Variants in SLC24A3 observed in about 807,000 individuals in gnomAD.
SLC24A3 encodes the protein sodium/potassium/calcium exchanger 3.
SLC24A3 carries 28 observed loss-of-function variants against 75.8 expected under a neutral mutation model. That is an observed-to-expected ratio of 0.37 (90% CI 0.27 to 0.51). The LOEUF is 0.51. Among genes scored for constraint, SLC24A3 ranks in the 20% least tolerant of loss-of-function variants. The pLI is 0.94. For synonymous variants in SLC24A3, 372 were observed against 334.1 expected (o/e 1.11, Z -1.24); for missense variants, 663 against 847.8 (o/e 0.78, Z 2.71).
At chr20:19,665,193 T>G (rs2032382858) in intron 7 of SLC24A3, among the ~76,000 whole-genome samples, 1 of 152,170 alleles carries the variant, frequency 6.6e-6, no homozygotes. Context: ...ATAATCTTCC[T>G]TAGTGAAAGG....
In SLC24A3 at chr20:19,353,343, G is replaced by A. The variant is rs186767613; in HGVS notation, c.271+72256G>A. ...GGTCATCTACAGGCAGGGGGAAGCTGAAGATTTGATATGAAAGGAGAGACA... is the reference window on the plus strand; with the variant it reads ...GGTCATCTACAGGCAGGGGGAAGCTAAAGATTTGATATGAAAGGAGAGACA... On this transcript the variant is annotated intron_variant, in intron 2 of 16. Transcript: ENST00000328041. 3.2e-3 allele frequency among the ~76,000 whole-genome samples: 480 copies of A among 152,276 alleles called. 6 individuals are homozygous for A. Among genetic ancestry groups the A allele is most frequent in the Middle Eastern group, 0.014 (4 of 294 alleles).
At chr20:19,395,013 A>G (rs1986428983) in intron 2 of SLC24A3, among the ~76,000 whole-genome samples, 1 of 152,248 alleles carries the variant, frequency 6.6e-6, no homozygotes, top group African/African-American at 2.4e-5. Flanking sequence ...TGGCGTATAC[A>G]TACAGCATTA....
intron 2 of SLC24A3, among the ~76,000 whole-genome samples, chr20:19,468,805 C>T (rs1987814096): frequency 6.6e-6 from 1 of 152,090 alleles, no homozygotes; most frequent in African/African-American, 2.4e-5. Context: ...GTTTAGCCAG[C>T]TAAGTACTAC....
intron 2 of SLC24A3, among the ~76,000 whole-genome samples, chr20:19,351,317 A>G (rs1021943461): frequency 9.9e-5 from 15 of 152,046 alleles, no homozygotes; most frequent in Admixed American, 5.9e-4. Context: ...TGTTGTTGCT[A>G]TTTCCTCTCT....
At chr20:19,642,563 C>T (rs1318326003) in intron 6 of SLC24A3, among the ~76,000 whole-genome samples, 1 of 152,190 alleles carries the variant, frequency 6.6e-6, no homozygotes, top group Non-Finnish European at 1.5e-5. Context: ...CCCATTCTCC[C>T]TTGTCTCAGC....
chr20:19,341,042 A>C (rs1444049966), intron 2 of SLC24A3, among the ~76,000 whole-genome samples: 1 of 152,216 alleles, frequency 6.6e-6, no homozygotes, highest in African/African-American at 2.4e-5. Flanking sequence ...TCCTACCTGT[A>C]GGATGAGTGC....
intron 2 of SLC24A3, among the ~76,000 whole-genome samples, chr20:19,321,501 C>T (rs1401352382): frequency 3.3e-5 from 5 of 152,168 alleles, no homozygotes; most frequent in Non-Finnish European, 7.4e-5. Flanking sequence ...GAAGCTCATG[C>T]TACGTAACTT....
intron 2 of SLC24A3, among the ~76,000 whole-genome samples, chr20:19,510,212 A>AC (rs1988516701): frequency 6.6e-6 from 1 of 152,242 alleles, no homozygotes; most frequent in African/African-American, 2.4e-5. Flanking sequence ...AATGAATCAA[A>AC]GAAGCTTCTA....
intron 2 of SLC24A3, among the ~76,000 whole-genome samples, chr20:19,356,664 T>C (rs1483875823): frequency 2.6e-5 from 4 of 152,170 alleles, no homozygotes; most frequent in Non-Finnish European, 4.4e-5. Flanking sequence ...GGGTGTCTCC[T>C]GGTGGGATGA....
At chr20:19,230,250 G>A (rs927402921) in intron 1 of SLC24A3, among the ~76,000 whole-genome samples, 6 of 152,048 alleles carry the variant, frequency 3.9e-5, no homozygotes, top group Non-Finnish European at 5.9e-5. Flanking sequence ...TGTGAGCATC[G>A]CTTATGCTGA....
At chr20:19,705,594 T>A (rs2032921264) in intron 15 of SLC24A3, among the ~76,000 whole-genome samples, 1 of 152,214 alleles carries the variant, frequency 6.6e-6, no homozygotes, top group Non-Finnish European at 1.5e-5. Flanking sequence ...TCATGTAGCA[T>A]GGTAGTGACC....
At chr20:19,271,755 A>G (rs1038363766) in intron 1 of SLC24A3, among the ~76,000 whole-genome samples, 4 of 152,190 alleles carry the variant, frequency 2.6e-5, no homozygotes, top group African/African-American at 7.2e-5. Flanking sequence ...CAAACATTGT[A>G]TGTTCCCACT....
chr20:19,318,164 G>C (rs1366018070), intron 2 of SLC24A3, among the ~76,000 whole-genome samples: 1 of 152,144 alleles, frequency 6.6e-6, no homozygotes, highest in African/African-American at 2.4e-5. Flanking sequence ...TCCTAGAGTT[G>C]CCCAGTAGGA....
At chr20:19,492,142 G>A (rs925198207) in intron 2 of SLC24A3, among the ~76,000 whole-genome samples, 1 of 152,152 alleles carries the variant, frequency 6.6e-6, no homozygotes, top group Non-Finnish European at 1.5e-5. Context: ...AGGAAACTTT[G>A]CAAGTATTTC....
In SLC24A3 at chr20:19,625,359, C is replaced by A. The variant is rs559436341; in HGVS notation, c.613-28703C>A. Among the ~76,000 whole-genome samples the A allele has an allele frequency of 1.3e-5, 2 of 152,278 alleles. 1 individual carries two copies. Among genetic ancestry groups the A allele is most frequent in the South Asian group, 4.1e-4 (2 of 4,826 alleles). Reference sequence around the variant, plus strand: ...TACCATATAGAGGCAACTTGAGTGACACATATTAAGTGCAGATAGAGTTTG... The same window carrying A: ...TACCATATAGAGGCAACTTGAGTGAAACATATTAAGTGCAGATAGAGTTTG... On this transcript the variant is annotated intron_variant, in intron 6 of 16. Transcript: ENST00000328041.
chr20:19,639,187 G>A (rs2032038413), intron 6 of SLC24A3, among the ~76,000 whole-genome samples: 1 of 152,122 alleles, frequency 6.6e-6, no homozygotes, highest in Non-Finnish European at 1.5e-5. Context: ...CCTAGATACA[G>A]AGTGTCCACA....
chr20:19,667,769 G>A (rs1484339009), intron 8 of SLC24A3, among the ~76,000 whole-genome samples: 3 of 151,812 alleles, frequency 2.0e-5, no homozygotes, highest in Admixed American at 6.6e-5. Flanking sequence ...AAAACATCTC[G>A]GGATAGTTCA....
chr20:19,360,224 C>T (rs377262356), intron 2 of SLC24A3, among the ~76,000 whole-genome samples: 68 of 152,302 alleles, frequency 4.5e-4, no homozygotes, highest in East Asian at 4.2e-3. Flanking sequence ...CAGTCAGACA[C>T]GAATGAGAAG....
At chr20:19,654,766 G>A (rs1211682580) in intron 7 of SLC24A3, among the ~76,000 whole-genome samples, 1 of 147,872 alleles carries the variant, frequency 6.8e-6, no homozygotes, top group Non-Finnish European at 1.5e-5. Context: ...TCCTGCCTCA[G>A]CCTGCCAAGT....
Sources: gnomAD v4.1 joint callset for allele counts (sites outside exome capture counted in the v4.1 genomes callset) on GRCh38, gnomAD v4.1.1 for gene constraint, MANE v1.5 for transcripts, NCBI Gene and HGNC (gene_info 2026-07-23, HGNC 2026-07-21) for gene names.